Variants in GRK5 observed in about 807,000 individuals in gnomAD.
GRK5 encodes G protein-coupled receptor kinase 5, also known as g protein-coupled receptor kinase GRK5.
GRK5 carries 40 observed loss-of-function variants against 78.4 expected under a neutral mutation model. The observed-to-expected ratio is 0.51, with a 90% CI of 0.40 to 0.66. The LOEUF (loss-of-function observed/expected upper bound fraction) is 0.66, where lower values mean the gene tolerates loss of function less well. GRK5 is among the 30% of genes least tolerant of loss of function. The pLI is 0.00. For missense variants in GRK5, 598 were observed against 759.9 expected (o/e 0.79, Z 2.50); for synonymous variants, 289 against 296.8 (o/e 0.97, Z 0.27).
intron 1 of GRK5, among the ~76,000 whole-genome samples, chr10:119,315,306 G>A (rs1201618885): frequency 1.3e-5 from 2 of 152,236 alleles, no homozygotes; most frequent in Non-Finnish European, 2.9e-5. Context: ...CGGTGACGCA[G>A]CCCCTGATCA....
At chr10:119,281,086 G>A (rs531269141) in intron 1 of GRK5, among the ~76,000 whole-genome samples, 2 of 151,786 alleles carry the variant, frequency 1.3e-5, no homozygotes, top group African/African-American at 2.4e-5. Context: ...CTGATTTCCC[G>A]TTTTCTGCAG....
chr10:119,422,550 A>G (rs1852591616), intron 4 of GRK5, among the ~76,000 whole-genome samples: 1 of 152,178 alleles, frequency 6.6e-6, no homozygotes, highest in Non-Finnish European at 1.5e-5. Context: ...CTCCGGGGCT[A>G]TAGCTCCCCT....
chr10:119,273,937 C>T (rs1043157990), intron 1 of GRK5, among the ~76,000 whole-genome samples: 1 of 152,156 alleles, frequency 6.6e-6, no homozygotes, highest in Admixed American at 6.6e-5. Flanking sequence ...CCACACCTGG[C>T]TAATTTTTGT....
rs4336954 is a variant in GRK5 at position 119,217,041 on chromosome 10, C to T, written c.52+9072C>T. On this transcript the variant is annotated intron_variant, in intron 1 of 15. Coordinates refer to ENST00000392870, the MANE Select transcript of GRK5 (RefSeq NM_005308.3). The surrounding 1 kb of genome is among the most constrained non-coding windows in gnomAD (Gnocchi z 4.1). ...GCAATTGCAAGTGGATCTCCCCTAT[C>T]CTCCAAAGTGCTTTTATGTTCCAAA... is the stretch of plus-strand genomic sequence containing the variant. 0.31 allele frequency among the ~76,000 whole-genome samples: 46,877 copies of T among 152,162 alleles called. 8,203 individuals are homozygous for T. The highest frequency in any genetic ancestry group is 0.39 in the Non-Finnish European group (26,238 of 67,994).
chr10:119,225,783 G>A (rs1201390627), intron 1 of GRK5, among the ~76,000 whole-genome samples: 6 of 149,778 alleles, frequency 4.0e-5, no homozygotes, highest in Non-Finnish European at 1.5e-5. Flanking sequence ...CAATTCTCCT[G>A]TCTCAGCCTC....
rs1366235838 is a variant in GRK5, at chr10:119,309,255, G to A, written c.53-17261G>A. The stretch of plus-strand genomic sequence containing the variant: ...TTCCTCTAGTATTGTCACCTGGCAT[G>A]GGTCAGTGCCGCCCACGAGCCTGTG... On this transcript the variant is annotated intron_variant, in intron 1 of 15. Coordinates refer to ENST00000392870, the MANE Select transcript of GRK5 (RefSeq NM_005308.3). Among the ~76,000 whole-genome samples, 7 of 152,360 alleles carry A rather than the reference G, an allele frequency of 4.6e-5. No individual in the cohort carries two copies. In the East Asian group the frequency reaches 1.3e-3, roughly 29 times the overall value.
At chr10:119,278,323 A>G (rs746425259) in intron 1 of GRK5, among the ~76,000 whole-genome samples, 19 of 151,922 alleles carry the variant, frequency 1.3e-4, no homozygotes, top group Non-Finnish European at 2.4e-4. Flanking sequence ...GGTGCTGGAC[A>G]AGCAGAAGGG....
Position 119,443,771 on chromosome 10 carries a change from G to C in GRK5, c.1266+19G>C, listed in dbSNP as rs1300156857. On this transcript the variant is annotated intron_variant, in intron 12 of 15. Coordinates refer to ENST00000392870, the MANE Select transcript of GRK5 (RefSeq NM_005308.3). Reference sequence around the variant, plus strand: ...CAAGATGGTGAGCTCCTGGTGGCCAGATGCCACCCTCAAGCTGGTGGCTCC... The same window carrying C: ...CAAGATGGTGAGCTCCTGGTGGCCACATGCCACCCTCAAGCTGGTGGCTCC... 3 of 1,577,908 alleles carry C rather than the reference G, an allele frequency of 1.9e-6. No individual in the cohort carries two copies. The African/African-American group carries it at 4.0e-5, about 21-fold the overall frequency.
At chr10:119,302,855 C>A (rs147872035) in intron 1 of GRK5, among the ~76,000 whole-genome samples, 81 of 152,328 alleles carry the variant, frequency 5.3e-4, no homozygotes, top group African/African-American at 1.7e-3. Flanking sequence ...TCTGTCCCCA[C>A]GTGACCAACA....
chr10:119,250,492 C>T (rs185518628), intron 1 of GRK5, among the ~76,000 whole-genome samples: 26 of 151,934 alleles, frequency 1.7e-4, no homozygotes, highest in Admixed American at 5.3e-4. Context: ...CTCCCAGGCT[C>T]CAGGCATCCT....
At chr10:119,251,355 G>A (rs1353288933) in intron 1 of GRK5, among the ~76,000 whole-genome samples, 2 of 152,200 alleles carry the variant, frequency 1.3e-5, no homozygotes, top group Non-Finnish European at 2.9e-5. Flanking sequence ...GATTTCAAAG[G>A]CAGCACAAGC....
Position 119,224,384 on chromosome 10 carries a change from A to T in GRK5, c.52+16415A>T, listed in dbSNP as rs887553190. Among the ~76,000 whole-genome samples the T allele has an allele frequency of 8.9e-4, 117 of 131,432 alleles. 1 individual carries two copies. Among genetic ancestry groups the T allele is most frequent in the African/African-American group, 2.6e-3 (102 of 38,554 alleles). 86.2% of individuals were successfully genotyped at this position (131,432 alleles called of 152,430 possible). On this transcript the variant is annotated intron_variant, in intron 1 of 15. Coordinates refer to ENST00000392870, the MANE Select transcript of GRK5 (RefSeq NM_005308.3). ...TCCAGTCACCCACTATTTATTTATT[A>T]ATTTATTATTTATTTATTTATTTAT...
chr10:119,345,038 G>A (rs868744383), intron 2 of GRK5, among the ~76,000 whole-genome samples: 19 of 150,162 alleles, frequency 1.3e-4, no homozygotes, highest in South Asian at 2.1e-4. Context: ...GCGCCATCTC[G>A]GCTCACTGCA....
intron 1 of GRK5, among the ~76,000 whole-genome samples, chr10:119,282,186 C>A (rs11198856): frequency 0.28 from 41,966 of 152,136 alleles, 6,804 homozygotes; most frequent in East Asian, 0.67. Context: ...CTCCTCCCCC[C>A]ACTCACATTT....
rs563892988 is a variant in GRK5 at position 119,432,852 on chromosome 10, C to T, written c.738+1325C>T. 1.6e-4 allele frequency among the ~76,000 whole-genome samples: 25 copies of T among 152,346 alleles called. No homozygotes were observed. The South Asian group carries it at 5.0e-3, about 30-fold the overall frequency. On this transcript the variant is annotated intron_variant, in intron 8 of 15. Coordinates refer to ENST00000392870, the MANE Select transcript of GRK5 (RefSeq NM_005308.3). The stretch of plus-strand genomic sequence containing the variant: ...TTGGGAGGTCGAGGCAGACAGATCA[C>T]TTGAGATCAGGAGTTCAAGATCAAC...
intron 2 of GRK5, among the ~76,000 whole-genome samples, chr10:119,327,062 G>A (rs1274022719): frequency 1.3e-5 from 2 of 150,890 alleles, no homozygotes; most frequent in Non-Finnish European, 3.0e-5. Context: ...TCAGGGGGCA[G>A]CCCAGGCTTT....
chr10:119,301,851 C>T (rs888869438), intron 1 of GRK5, among the ~76,000 whole-genome samples: 24 of 152,184 alleles, frequency 1.6e-4, no homozygotes, highest in African/African-American at 5.3e-4. Flanking sequence ...TGTGGGACTC[C>T]TGTTCATTGA....
At chr10:119,399,897 C>T (rs1852120736) in intron 4 of GRK5, among the ~76,000 whole-genome samples, 1 of 152,216 alleles carries the variant, frequency 6.6e-6, no homozygotes, top group South Asian at 2.1e-4. Context: ...CCTAGGCTCA[C>T]CTGGATGTCC....
At chr10:119,309,734 G>C (rs1323808666) in intron 1 of GRK5, among the ~76,000 whole-genome samples, 4 of 152,208 alleles carry the variant, frequency 2.6e-5, no homozygotes, top group Admixed American at 1.3e-4. Context: ...AGGTGCCTCT[G>C]TGCTGTGCTG....
Sources: gnomAD v4.1 joint callset for allele counts (sites outside exome capture counted in the v4.1 genomes callset) on GRCh38, gnomAD v4.1.1 for gene constraint, Gnocchi (gnomAD v3.1) non-coding constraint, MANE v1.5 for transcripts, NCBI Gene and HGNC (gene_info 2026-07-23, HGNC 2026-07-21) for gene names.